Variants in FAM83G observed in about 807,000 individuals in gnomAD.
FAM83G encodes the protein protein FAM83G.
Under a neutral mutation model 61.5 loss-of-function variants are expected in FAM83G, and 38 were observed. That is an observed-to-expected ratio of 0.62 (90% CI 0.48 to 0.81). The LOEUF (loss-of-function observed/expected upper bound fraction) is 0.81, where lower values mean the gene tolerates loss of function less well. FAM83G is among the 30% of genes least tolerant of loss of function. FAM83G has a pLI of 0.00. For synonymous variants in FAM83G, 470 were observed against 476.1 expected (o/e 0.99, Z 0.17); for missense variants, 989 against 1,133.6 (o/e 0.87, Z 1.83).
intron 2 of FAM83G, among the ~76,000 whole-genome samples, chr17:18,991,320 C>T (rs2043418334): frequency 6.6e-6 from 1 of 152,154 alleles, no homozygotes; most frequent in Non-Finnish European, 1.5e-5. Context: ...TCTGGGACCA[C>T]AGCCCCTCCT....
chr17:18,996,256 G>A lies in FAM83G; in HGVS notation c.522+7264C>T, dbSNP rs1348301262. Among the ~76,000 whole-genome samples the A allele has an allele frequency of 2.0e-5, 3 of 151,868 alleles. No individual in the cohort carries two copies. Among genetic ancestry groups the A allele is most frequent in the Admixed American group, 6.6e-5 (1 of 15,248 alleles). On this transcript the variant is annotated intron_variant, in intron 2 of 5. Coordinates refer to ENST00000388995, the MANE Select transcript of FAM83G (RefSeq NM_001039999.3). The surrounding 1 kb of genome is among the most constrained non-coding windows in gnomAD (Gnocchi z 4.4). ...GAGAGAATTCATTACCAGCAGACCC[G>A]CACTCCCTCCTCCAGCTGCAACCCC...
At position 18,971,473 on chromosome 17, in the gene FAM83G, T is replaced by C; in HGVS notation, c.2358A>G (p.Pro786=). The C allele has an allele frequency of 1.2e-6, 2 of 1,613,976 alleles. No individual in the cohort carries two copies. The highest frequency in any genetic ancestry group is 1.3e-5 in the African/African-American group (1 of 75,020). The change falls in exon 6 of 6, where the codon CCA becomes CCG. Residue 786 remains proline (P), a synonymous_variant. Transcript: ENST00000388995. The surrounding 1 kb of genome is among the most constrained non-coding windows in gnomAD (Gnocchi z 5.5). ...GCTTCGACTGAGACAGTTTGGAGTA[T>C]GGGATTCCGAAGGGACTCGGATGCT... ...TEEHPSPFGI[P]YSKLSQSKHL... is the part of the protein sequence containing the mutation.
At chr17:18,989,216 G>C (rs2043348799) in intron 2 of FAM83G, among the ~76,000 whole-genome samples, 1 of 151,156 alleles carries the variant, frequency 6.6e-6, no homozygotes, top group Non-Finnish European at 1.5e-5. Flanking sequence ...CCAGGTCTGA[G>C]GACCACCTGG....
At chr17:18,987,553 G>A (rs2043302520) in intron 3 of FAM83G, among the ~76,000 whole-genome samples, 1 of 152,188 alleles carries the variant, frequency 6.6e-6, no homozygotes, top group Non-Finnish European at 1.5e-5. Flanking sequence ...ATGAGATCCT[G>A]TAGCCCAGAG....
Position 19,004,268 on chromosome 17 carries a change from G to T in FAM83G, c.-128-99C>A. 1 of 528,908 alleles carries T rather than the reference G, an allele frequency of 1.9e-6. No homozygotes were observed. Among genetic ancestry groups the T allele is most frequent in the South Asian group, 2.3e-5 (1 of 42,620 alleles). 32.8% of individuals were successfully genotyped at this position (528,908 alleles called of 1,614,324 possible). On this transcript the variant is annotated intron_variant, in intron 1 of 5. Coordinates refer to ENST00000388995, the MANE Select transcript of FAM83G (RefSeq NM_001039999.3). The surrounding 1 kb of genome is among the most constrained non-coding windows in gnomAD (Gnocchi z 5.4). The stretch of plus-strand genomic sequence containing the variant: ...CCGGGAACTCAGGTGGGCGTGGGAA[G>T]GACGGGGCTGGGGCTGGGGCTGGGA...
intron 3 of FAM83G, among the ~76,000 whole-genome samples, chr17:18,979,907 G>A (rs958346838): frequency 6.6e-6 from 1 of 152,142 alleles, no homozygotes; most frequent in Non-Finnish European, 1.5e-5. Flanking sequence ...GGTACAAAGG[G>A]GTTGGCATAA....
chr17:18,992,591 G>A (rs904368316), intron 2 of FAM83G, among the ~76,000 whole-genome samples: 1 of 152,194 alleles, frequency 6.6e-6, no homozygotes, highest in Non-Finnish European at 1.5e-5. Flanking sequence ...ATCTCCCTCA[G>A]CCCCAGCCAG....
At chr17:18,976,572 G>A (rs765198039) in intron 5 of FAM83G, 6 of 403,246 alleles carry the variant, frequency 1.5e-5, no homozygotes, top group Non-Finnish European at 2.7e-5. Context: ...ATTGCCAGGG[G>A]TGGTGGGCTG....
intron 2 of FAM83G, among the ~76,000 whole-genome samples, chr17:18,993,938 G>A (rs1391345586): frequency 2.0e-5 from 3 of 152,116 alleles, no homozygotes; most frequent in Non-Finnish European, 2.9e-5. Context: ...ATCCACAAAC[G>A]GCAGCTGCAC....
chr17:18,997,461 A>G (rs180831932), intron 2 of FAM83G, among the ~76,000 whole-genome samples: 3 of 152,344 alleles, frequency 2.0e-5, no homozygotes, highest in African/African-American at 7.2e-5. Flanking sequence ...AGACCATCCC[A>G]TGTGGGCAGC....
chr17:18,972,084 G>T (rs2042870051), intron 5 of FAM83G, among the ~76,000 whole-genome samples: 8 of 152,202 alleles, frequency 5.3e-5, no homozygotes, highest in African/African-American at 1.7e-4. Context: ...TCTGTTGAGT[G>T]CAGGGGGTGA....
chr17:18,995,385 GA>G (rs1357011795), intron 2 of FAM83G, among the ~76,000 whole-genome samples: 2 of 152,098 alleles, frequency 1.3e-5, no homozygotes, highest in Non-Finnish European at 2.9e-5. Context: ...CACTATAGAA[GA>G]GAAAATTAGT....
At chr17:18,979,287 T>G in intron 4 of FAM83G, 1 of 518,468 alleles carries the variant, frequency 1.9e-6, no homozygotes, top group Non-Finnish European at 3.5e-6. Context: ...GTGACCCCCA[T>G]AGGCTTGCGA....
At position 19,003,029 on chromosome 17, in the gene FAM83G, T is replaced by A. The variant is rs538862017; in HGVS notation, c.522+491A>T. Among the ~76,000 whole-genome samples the A allele has an allele frequency of 2.0e-5, 3 of 152,158 alleles. No homozygotes were observed. Among genetic ancestry groups the A allele is most frequent in the African/African-American group, 7.2e-5 (3 of 41,512 alleles). Reference sequence around the variant, plus strand: ...TCTGCTCCCAGTTGCTCAGCACAGCTAGGAAACAGGCAGTGTTGAACAAGG... The same window carrying A: ...TCTGCTCCCAGTTGCTCAGCACAGCAAGGAAACAGGCAGTGTTGAACAAGG... On this transcript the variant is annotated intron_variant, in intron 2 of 5. Transcript: ENST00000388995. The surrounding 1 kb of genome is among the most constrained non-coding windows in gnomAD (Gnocchi z 4.5).
At chr17:19,005,356 G>A (rs959823370), upstream of FAM83G, among the ~76,000 whole-genome samples, 1 of 152,202 alleles carries the variant, frequency 6.6e-6, no homozygotes, top group Admixed American at 6.5e-5. Context: ...CTGTGGGCTG[G>A]GGTCAGGCCC....
rs140682043 is a variant in FAM83G at position 18,971,116 on chromosome 17, C to T, written c.*243G>A. On this transcript the variant is annotated 3_prime_UTR_variant, in exon 6 of 6. Transcript: ENST00000388995. This position sits in a 1 kb window ranked among gnomAD's most constrained non-coding sequence, Gnocchi z 5.5. ...CCACCTGCCACCTGCCACGTACAGA[C>T]GCCATGCACATGTTTCGAGACCCCC... The T allele has an allele frequency of 9.0e-5, 146 of 1,614,108 alleles. 1 individual carries two copies. In the Middle Eastern group the frequency reaches 9.9e-4, roughly 11 times the overall value.
At chr17:18,993,011 A>G (rs1300500656) in intron 2 of FAM83G, among the ~76,000 whole-genome samples, 2 of 152,210 alleles carry the variant, frequency 1.3e-5, no homozygotes, top group Admixed American at 1.3e-4. Flanking sequence ...GTGCCCTCGC[A>G]GGACGAGTAG....
chr17:18,988,235 G>A lies in FAM83G; in HGVS notation c.690+12C>T, dbSNP rs1331726967. 13 of 1,603,652 alleles carry A rather than the reference G, an allele frequency of 8.1e-6. No homozygotes were observed. The highest frequency in any genetic ancestry group is 1.1e-5 in the Non-Finnish European group (13 of 1,171,912). ...CCCTCCAGCCACCCAGGCAAGTGAG[G>A]AGCCTGCTCACCTTGAGGTGCCCCA... is the stretch of plus-strand genomic sequence containing the variant. On this transcript the variant is annotated intron_variant, in intron 3 of 5. Coordinates refer to ENST00000388995, the MANE Select transcript of FAM83G (RefSeq NM_001039999.3).
At chr17:19,002,685 C>T (rs1281128427) in intron 2 of FAM83G, among the ~76,000 whole-genome samples, 1 of 152,202 alleles carries the variant, frequency 6.6e-6, no homozygotes, top group Non-Finnish European at 1.5e-5. Flanking sequence ...GCATTAGCAC[C>T]TGCTCATGGT....
Sources: allele counts gnomAD v4.1 joint callset (sites outside exome capture counted in the v4.1 genomes callset), GRCh38; gene constraint gnomAD v4.1.1; non-coding constraint Gnocchi (gnomAD v3.1); transcripts MANE v1.5; gene names NCBI Gene and HGNC (gene_info 2026-07-23, HGNC 2026-07-21).